RBBP8: variants seen among roughly 807,000 people sequenced by gnomAD.
RBBP8 encodes RB binding protein 8, endonuclease.
RBBP8 carries 88 observed loss-of-function variants against 108.3 expected under a neutral mutation model. The ratio of observed to expected loss-of-function variants is 0.81; its 90% CI spans 0.68 to 0.97. The LOEUF (loss-of-function observed/expected upper bound fraction) is 0.97. RBBP8 is among the 50% of genes least tolerant of loss of function. RBBP8 has a pLI of 0.00. For missense variants in RBBP8, 1,023 were observed against 1,049.0 expected (o/e 0.98, Z 0.34); for synonymous variants, 332 against 348.2 (o/e 0.95, Z 0.52).
At chr18:22,961,552 T>G (rs1239558196) in intron 4 of RBBP8, among the ~76,000 whole-genome samples, 1 of 152,228 alleles carries the variant, frequency 6.6e-6, no homozygotes, top group Non-Finnish European at 1.5e-5. Flanking sequence ...AGTGCCTTAT[T>G]CTAAAGCAAG....
chr18:22,993,995 T>C, intron 12 of RBBP8, 148 bp downstream of exon 12: 5 of 688,772 alleles, frequency 7.3e-6, no homozygotes, highest in South Asian at 2.0e-5. Flanking sequence ...TCTCACATTT[T>C]ACCGGTGATT....
chr18:22,958,808 C>T (rs1297904504), intron 4 of RBBP8, among the ~76,000 whole-genome samples: 3 of 152,188 alleles, frequency 2.0e-5, no homozygotes, highest in African/African-American at 7.2e-5. Context: ...TCCCAGAGTA[C>T]TGAGATTATA....
At chr18:23,007,826 T>A (rs2046083651) in intron 16 of RBBP8, among the ~76,000 whole-genome samples, 1 of 151,734 alleles carries the variant, frequency 6.6e-6, no homozygotes, top group Admixed American at 6.6e-5. Context: ...TGGTTTTTTT[T>A]TTTGAAATGG....
chr18:22,964,967 C>A (rs1486801108), intron 4 of RBBP8, among the ~76,000 whole-genome samples: 1 of 152,060 alleles, frequency 6.6e-6, no homozygotes, highest in Non-Finnish European at 1.5e-5. Flanking sequence ...AAATGACCTA[C>A]AGCAGCCTTC....
rs61195791 is a variant in RBBP8 at position 22,946,510 on chromosome 18, A to G, written c.152+24A>G. ...TTGTAAGTATCAGTATGTAATACTC[A>G]TGTGTTATTTATAGAGTAGTTGATA... On this transcript the variant is annotated intron_variant, in intron 3 of 18. Coordinates refer to ENST00000327155, the MANE Select transcript of RBBP8 (RefSeq NM_002894.3). 5.0e-6 allele frequency: 8 copies of G among 1,611,142 alleles called. No homozygotes were observed. In the East Asian group the frequency reaches 1.1e-4, roughly 23 times the overall value.
chr18:22,923,587 A>G (rs1909679673), intron 3 of RBBP8, among the ~76,000 whole-genome samples: 1 of 152,238 alleles, frequency 6.6e-6, no homozygotes. Flanking sequence ...AGACTTGTCT[A>G]GGAAACATGC....
At chr18:22,949,494 C>T in intron 3 of RBBP8, 124 bp from the exon 4 acceptor site, 1 of 742,102 alleles carries the variant, frequency 1.3e-6, no homozygotes, top group Non-Finnish European at 2.3e-6. Context: ...GATATTCCAA[C>T]CTGACCTTTT....
chr18:23,002,070 TATTA>T (rs2045958665), intron 15 of RBBP8, among the ~76,000 whole-genome samples: 1 of 152,182 alleles, frequency 6.6e-6, no homozygotes, highest in South Asian at 2.1e-4. Context: ...GAGAAATGTC[TATTA>T]ATTATTAAAT....
At position 23,022,220 on chromosome 18, in the gene RBBP8, A is replaced by G. The variant is rs1409672768; in HGVS notation, c.2546A>G (p.Glu849Gly). 6.8e-6 allele frequency: 11 copies of G among 1,612,764 alleles called. No homozygotes were observed. The highest frequency in any genetic ancestry group is 9.3e-6 in the Non-Finnish European group (11 of 1,178,770). Reference protein sequence around the residue: ...RFRYIPPNTPENFWEVGFPST... With the variant: ...RFRYIPPNTPGNFWEVGFPST... Reference sequence around the variant, plus strand: ...CGCTACATTCCACCCAACACACCAGAGAATTTTTGGGAAGTTGGTTTTCCT... The same window carrying G: ...CGCTACATTCCACCCAACACACCAGGGAATTTTTGGGAAGTTGGTTTTCCT... Residue 849 changes from glutamate (E) to glycine (G), a missense_variant, in exon 18 of 19, where the codon GAG becomes GGG. By Grantham distance (98) the Glu-to-Gly change is moderately conservative (BLOSUM62 -2). Coordinates refer to ENST00000327155, the MANE Select transcript of RBBP8 (RefSeq NM_002894.3).
At chr18:22,974,825 T>C in intron 5 of RBBP8, among the ~76,000 whole-genome samples, 1 of 152,180 alleles carries the variant, frequency 6.6e-6, no homozygotes, top group East Asian at 1.9e-4. Flanking sequence ...TTGAAATTAG[T>C]AGGACTGAGT....
intron 4 of RBBP8, among the ~76,000 whole-genome samples, chr18:22,963,022 C>T (rs971802407): frequency 2.3e-4 from 35 of 152,088 alleles, no homozygotes; most frequent in African/African-American, 8.2e-4. Context: ...TGATCTTTCT[C>T]ATCTTTATAA....
At chr18:22,982,156 C>G (rs1394752672) in intron 6 of RBBP8, 62 bp from the exon 7 acceptor site, 9 of 1,518,202 alleles carry the variant, frequency 5.9e-6, no homozygotes, top group Non-Finnish European at 8.1e-6. Context: ...AACTCCATGC[C>G]ATGTAGTAAA....
At chr18:23,007,376 G>A (rs1225358970) in intron 16 of RBBP8, among the ~76,000 whole-genome samples, 1 of 151,616 alleles carries the variant, frequency 6.6e-6, no homozygotes. Flanking sequence ...TCAACTTGGG[G>A]CATTTATTAA....
At chr18:22,916,788 C>T (rs912688869) in intron 2 of RBBP8, among the ~76,000 whole-genome samples, 3 of 152,044 alleles carry the variant, frequency 2.0e-5, no homozygotes, top group African/African-American at 7.2e-5. Flanking sequence ...ACTTGTGGAT[C>T]CCGCTCTCAT....
chr18:22,993,748 A>C lies in RBBP8; in HGVS notation c.1840A>C (p.Ile614Leu). 1 of 1,614,192 alleles carries C rather than the reference A, an allele frequency of 6.2e-7. No homozygotes were observed. The highest frequency in any genetic ancestry group is 8.5e-7 in the Non-Finnish European group (1 of 1,180,022). The change falls in exon 12 of 19, where the codon ATA becomes CTA. Residue 614 changes from isoleucine (I) to leucine (L), a missense_variant. By Grantham distance (5) the Ile-to-Leu change is conservative. Transcript: ENST00000327155. The part of the protein sequence containing the change: ...KSAGSHEPIK[I>L]QTRSDHGGCE... ...TGCTGGTTCTCATGAGCCAATAAAA[A>C]TACAAACCAGGTCAGACCATGGAGG...
chr18:22,922,463 A>C (rs1489217708), intron 3 of RBBP8, among the ~76,000 whole-genome samples: 1 of 152,106 alleles, frequency 6.6e-6, no homozygotes, highest in East Asian at 1.9e-4. Context: ...ATATTATTTT[A>C]TTATTATTAA....
chr18:22,966,892 A>C lies in RBBP8; in HGVS notation c.249-1914A>C, dbSNP rs551452034. Among the ~76,000 whole-genome samples, 20 of 151,948 alleles carry C rather than the reference A, an allele frequency of 1.3e-4. No individual in the cohort carries two copies. The East Asian group carries it at 3.7e-3, about 28-fold the overall frequency. The stretch of plus-strand genomic sequence containing the variant: ...CAAGCATGAGCCACCACATCCAGCT[A>C]ATTTTTGTTTTTAGTAGAGATGAGG... On this transcript the variant is annotated intron_variant, in intron 4 of 18. Coordinates refer to ENST00000327155, the MANE Select transcript of RBBP8 (RefSeq NM_002894.3).
At position 22,993,281 on chromosome 18, in the gene RBBP8, G is replaced by C. The variant is rs1312982648; in HGVS notation, c.1454G>C (p.Cys485Ser). 1.9e-6 allele frequency: 3 copies of C among 1,614,184 alleles called. No homozygotes were observed. In the Admixed American group the frequency reaches 5.0e-5, roughly 27 times the overall value. ...AATCAGTTTTCCATGAATGGAGACT[G>C]TGTGATGGATAAACCTCTGGATCTG... is the stretch of plus-strand genomic sequence containing the variant. ...MDNQFSMNGD[C>S]VMDKPLDLSD... is the part of the protein sequence containing the mutation. The change falls in exon 11 of 19, where the codon TGT becomes TCT. Residue 485 changes from cysteine to serine, a missense_variant. Cys to Ser is a moderately radical substitution (Grantham distance 112). Transcript: ENST00000327155.
At chr18:23,022,001 G>T in intron 17 of RBBP8, 128 bp from the exon 18 acceptor site, 1 of 752,966 alleles carries the variant, frequency 1.3e-6, no homozygotes, top group East Asian at 2.5e-5. Flanking sequence ...TCATCAATGA[G>T]GATTAAGTTT....
Sources: allele counts gnomAD v4.1 joint callset (sites outside exome capture counted in the v4.1 genomes callset), GRCh38; gene constraint gnomAD v4.1.1; transcripts MANE v1.5; gene names NCBI Gene and HGNC (gene_info 2026-07-23, HGNC 2026-07-21).